The following MDGA2 variants were observed in gnomAD, a reference collection of about 807,000 sequenced individuals.
MDGA2 encodes the protein MAM domain containing glycosylphosphatidylinositol anchor 2.
Under a neutral mutation model 117.8 loss-of-function variants are expected in MDGA2, and 40 were observed. That is an observed-to-expected ratio of 0.34 (90% CI 0.26 to 0.44). MDGA2 has a LOEUF of 0.44. Ranked by LOEUF, MDGA2 falls within the 20% of genes least tolerant of loss-of-function variation. MDGA2 has a pLI of 1.00. For synonymous variants in MDGA2, 452 were observed against 439.0 expected (o/e 1.03, Z -0.37); for missense variants, 1,123 against 1,250.6 (o/e 0.90, Z 1.54).
chr14:47,242,528 G>A (rs1214372467), intron 2 of MDGA2, among the ~76,000 whole-genome samples: 3 of 151,796 alleles, frequency 2.0e-5, no homozygotes, highest in Non-Finnish European at 4.4e-5. Context: ...GGTGGGCCCC[G>A]CACTTGGAGC....
intron 16 of MDGA2, among the ~76,000 whole-genome samples, chr14:46,844,760 C>T (rs923939726): frequency 7.9e-5 from 12 of 152,074 alleles, no homozygotes; most frequent in Admixed American, 2.6e-4. Context: ...GAAATATAAT[C>T]CGCATAATCC....
chr14:47,280,266 A>G (rs1295170773), intron 2 of MDGA2, among the ~76,000 whole-genome samples: 1 of 132,702 alleles, frequency 7.5e-6, no homozygotes, highest in Non-Finnish European at 1.5e-5. Context: ...GTGCGCCGAG[A>G]TCGCACCATT....
chr14:47,510,778 T>C (rs1221292496), intron 1 of MDGA2, among the ~76,000 whole-genome samples: 6 of 152,222 alleles, frequency 3.9e-5, no homozygotes, highest in Admixed American at 3.9e-4. Context: ...TCTGATCTCA[T>C]CACAGTTAAC....
rs1885430247 is a variant in MDGA2 at position 46,953,181 on chromosome 14, G to A, written c.2089+4193C>T. ...TCTTGTACCTCACACTTAGTAAGTAGAGAGTAAATACTTGTTAAATACATT... is the reference window on the plus strand; with the variant it reads ...TCTTGTACCTCACACTTAGTAAGTAAAGAGTAAATACTTGTTAAATACATT... On this transcript the variant is annotated intron_variant, in intron 9 of 16. Transcript: ENST00000399232. Among the ~76,000 whole-genome samples, 3 of 151,580 alleles carry A rather than the reference G, an allele frequency of 2.0e-5. No homozygotes were observed. In the South Asian group the frequency reaches 6.2e-4, roughly 31 times the overall value.
At chr14:47,463,229 C>A (rs921911704) in intron 1 of MDGA2, among the ~76,000 whole-genome samples, 1 of 152,020 alleles carries the variant, frequency 6.6e-6, no homozygotes. Flanking sequence ...TTGTCCCATT[C>A]CACTGAAAAA....
At chr14:47,340,448 G>A (rs953015418) in intron 1 of MDGA2, among the ~76,000 whole-genome samples, 3 of 152,008 alleles carry the variant, frequency 2.0e-5, no homozygotes, top group African/African-American at 7.3e-5. Context: ...AGGATCCAGG[G>A]TAATTATATA....
intron 15 of MDGA2, among the ~76,000 whole-genome samples, chr14:46,847,898 C>T (rs1252804156): frequency 2.0e-5 from 3 of 151,894 alleles, no homozygotes; most frequent in Non-Finnish European, 4.4e-5. Context: ...TTTCCTTTTT[C>T]CAAAAAGTAG....
chr14:46,939,289 AT>A (rs894431631), intron 9 of MDGA2, among the ~76,000 whole-genome samples: 2 of 152,220 alleles, frequency 1.3e-5, no homozygotes, highest in Non-Finnish European at 2.9e-5. Context: ...CAATGAAATA[AT>A]AAATGTTTGA....
intron 3 of MDGA2, among the ~76,000 whole-genome samples, chr14:47,148,592 G>T (rs943598415): frequency 6.6e-6 from 1 of 152,182 alleles, no homozygotes; most frequent in Non-Finnish European, 1.5e-5. Context: ...TCTGGATCCT[G>T]TGTATGACAT....
At chr14:47,256,124 A>C (rs1887610418) in intron 2 of MDGA2, among the ~76,000 whole-genome samples, 1 of 135,742 alleles carries the variant, frequency 7.4e-6, no homozygotes, top group Admixed American at 7.7e-5. Context: ...TGAAGCCCTG[A>C]TCTTATATCT....
intron 1 of MDGA2, among the ~76,000 whole-genome samples, chr14:47,485,266 T>C (rs903094292): frequency 1.3e-5 from 2 of 152,180 alleles, no homozygotes; most frequent in East Asian, 1.9e-4. Context: ...ACTCTTGTTA[T>C]GTTTTAGCAA....
chr14:47,280,086 G>A (rs1189322295), intron 2 of MDGA2, among the ~76,000 whole-genome samples: 1 of 151,572 alleles, frequency 6.6e-6, no homozygotes, highest in Non-Finnish European at 1.5e-5. Flanking sequence ...AGGCCGAGGT[G>A]GGCAGATCAC....
intron 5 of MDGA2, among the ~76,000 whole-genome samples, chr14:47,119,324 C>G (rs917152156): frequency 6.6e-6 from 1 of 151,956 alleles, no homozygotes; most frequent in African/African-American, 2.4e-5. Context: ...CTCGGCCTCC[C>G]AAAGTGCTAG....
intron 3 of MDGA2, among the ~76,000 whole-genome samples, chr14:47,154,301 C>T (rs192340192): frequency 5.9e-5 from 9 of 152,314 alleles, no homozygotes; most frequent in Non-Finnish European, 1.3e-4. Flanking sequence ...GCAGTGGCCC[C>T]ATTTGGAGTG....
intron 1 of MDGA2, among the ~76,000 whole-genome samples, chr14:47,471,639 G>T (rs1423594828): frequency 6.6e-6 from 1 of 151,968 alleles, no homozygotes; most frequent in Non-Finnish European, 1.5e-5. Context: ...ACTGATAATA[G>T]ATGTTGTTAT....
At chr14:47,386,742 A>G (rs923915626) in intron 1 of MDGA2, among the ~76,000 whole-genome samples, 19 of 152,196 alleles carry the variant, frequency 1.2e-4, no homozygotes, top group African/African-American at 4.3e-4. Flanking sequence ...TATGGTATTT[A>G]TATCATTCAG....
chr14:47,561,341 T>C (rs890962674), intron 1 of MDGA2, among the ~76,000 whole-genome samples: 3 of 152,036 alleles, frequency 2.0e-5, no homozygotes, highest in African/African-American at 7.2e-5. Context: ...ATTTTAACGA[T>C]ATTGAATCTT....
intron 1 of MDGA2, among the ~76,000 whole-genome samples, chr14:47,400,843 G>A (rs1368890267): frequency 0.31 from 17 of 54 alleles, 3 homozygotes; most frequent in Admixed American, 0.38. Flanking sequence ...TGCAAGCTCC[G>A]CCTCCCGGGG....
At chr14:47,294,069 C>T (rs1223545915) in intron 2 of MDGA2, among the ~76,000 whole-genome samples, 3 of 149,116 alleles carry the variant, frequency 2.0e-5, no homozygotes, top group Non-Finnish European at 4.4e-5. Flanking sequence ...GAGGTAGAGG[C>T]AGGGATTGTG....
Sources: allele counts gnomAD v4.1 joint callset (sites outside exome capture counted in the v4.1 genomes callset), GRCh38; gene constraint gnomAD v4.1.1; transcripts MANE v1.5; gene names NCBI Gene and HGNC (gene_info 2026-07-23, HGNC 2026-07-21).